Variants in PLG observed in about 807,000 individuals in gnomAD.
PLG encodes the protein plasminogen.
Under a neutral mutation model 104.4 loss-of-function variants are expected in PLG, and 41 were observed. The ratio of observed to expected loss-of-function variants is 0.39; its 90% confidence interval spans 0.31 to 0.51. The LOEUF is 0.51. Ranked by LOEUF, PLG falls within the 20% of genes least tolerant of loss-of-function variation. The probability of loss-of-function intolerance (pLI) is 0.76; values close to 1 mark genes in which losing one functional copy is unlikely to be tolerated. For synonymous variants in PLG, 337 were observed against 357.1 expected (o/e 0.94, Z 0.63); for missense variants, 891 against 1,003.6 (o/e 0.89, Z 1.52).
chr6:160,733,418 G>A (rs4252137), intron 12 of PLG, among the ~76,000 whole-genome samples: 2,963 of 152,222 alleles, frequency 0.019, 50 homozygotes, highest in Non-Finnish European at 0.031. Flanking sequence ...ATTCTCCAAA[G>A]ACCCCCGAGG....
In PLG at chr6:160,719,429, T is replaced by A. The variant is rs1214403527; in HGVS notation, c.1096+591T>A. On this transcript the variant is annotated intron_variant, in intron 9 of 18. Transcript: ENST00000308192. The surrounding 1 kb of genome is among the most constrained non-coding windows in gnomAD (Gnocchi z 4.1). ...TCACAGCTCTATTTTCACTAGTATT[T>A]GTGTGATATATCTTTTAAATTTGTA... Among the ~76,000 whole-genome samples, 1 of 152,222 alleles carries A rather than the reference T, an allele frequency of 6.6e-6. No individual in the cohort carries two copies. Among genetic ancestry groups the A allele is most frequent in the Non-Finnish European group, 1.5e-5 (1 of 68,042 alleles).
chr6:160,728,415 T>C (rs181775174), intron 10 of PLG, among the ~76,000 whole-genome samples: 1 of 152,248 alleles, frequency 6.6e-6, no homozygotes, highest in African/African-American at 2.4e-5. Context: ...TCGTTTTTTT[T>C]AAAAAATGTG....
chr6:160,722,697 T>C, intron 10 of PLG, 130 bp downstream of exon 10: 3 of 806,582 alleles, frequency 3.7e-6, no homozygotes, highest in Non-Finnish European at 6.3e-6. Flanking sequence ...TGTAGAAAAA[T>C]GTCTCAAGAA....
Position 160,723,394 on chromosome 6 carries a change from G to A in PLG, c.1256+827G>A, listed in dbSNP as rs909392280. ...ATGGAAAAAACTATTTTTACATATT[G>A]GAGAACAGATAAACTGAGATAATTT... On this transcript the variant is annotated intron_variant, in intron 10 of 18. Transcript: ENST00000308192. This position sits in a 1 kb window ranked among gnomAD's most constrained non-coding sequence, Gnocchi z 4.7. 1.3e-5 allele frequency among the ~76,000 whole-genome samples: 2 copies of A among 152,182 alleles called. No individual in the cohort carries two copies.
intron 17 of PLG, among the ~76,000 whole-genome samples, chr6:160,751,200 A>G (rs763186302): frequency 7.9e-5 from 12 of 152,194 alleles, no homozygotes; most frequent in Non-Finnish European, 1.3e-4. Flanking sequence ...GGGAACTTAG[A>G]CTCAGAAAAT....
rs370504830 is a variant in PLG, at chr6:160,706,951, TA to T, written c.185+423del. ...TAGTCAAAGAAACTGGATATAATGTTAAAAAAAAAAAAAAGACAGCCCAAGT... is the reference window on the plus strand; with the variant it reads ...TAGTCAAAGAAACTGGATATAATGTTAAAAAAAAAAAAAGACAGCCCAAGT... On this transcript the variant is annotated intron_variant, in intron 2 of 18. Coordinates refer to ENST00000308192, the MANE Select transcript of PLG (RefSeq NM_000301.5). Among the ~76,000 whole-genome samples, 801 of 142,144 alleles carry T rather than the reference TA, an allele frequency of 5.6e-3. 4 individuals carry two copies. The highest frequency in any genetic ancestry group is 0.012 in the African/African-American group (483 of 38,848). 93.3% of individuals were successfully genotyped at this position (142,144 alleles called of 152,430 possible).
In PLG at chr6:160,731,637, G is replaced by C; in HGVS notation, c.1439-108G>C. Reference sequence around the variant, plus strand: ...TTCAGCATTGCAGTTTCTGAGGAATGTGGCCCCTGATTCTGTCATCCTAGA... The same window carrying C: ...TTCAGCATTGCAGTTTCTGAGGAATCTGGCCCCTGATTCTGTCATCCTAGA... On this transcript the variant is annotated intron_variant, in intron 11 of 18. Coordinates refer to ENST00000308192, the MANE Select transcript of PLG (RefSeq NM_000301.5). This position sits in a 1 kb window ranked among gnomAD's most constrained non-coding sequence, Gnocchi z 5.1. The C allele has an allele frequency of 2.9e-6, 3 of 1,050,192 alleles. No homozygotes were observed. Among genetic ancestry groups the C allele is most frequent in the Non-Finnish European group, 4.5e-6 (3 of 671,574 alleles). The allele number at this position is 1,050,192 out of a possible 1,614,324, so 65.1% of individuals were successfully genotyped here. A position where few individuals can be genotyped will look rare whatever the true frequency, so the allele number is the denominator to read the frequency against.
chr6:160,729,244 C>T (rs1777961389), intron 10 of PLG, among the ~76,000 whole-genome samples: 1 of 152,212 alleles, frequency 6.6e-6, no homozygotes, highest in Non-Finnish European at 1.5e-5. Flanking sequence ...TAAGAAGACA[C>T]AACAATAAGT....
chr6:160,711,520 G>A lies in PLG; in HGVS notation c.407+329G>A, dbSNP rs1582933612. 4.5e-6 allele frequency: 7 copies of A among 1,551,694 alleles called. No individual in the cohort carries two copies. In the East Asian group the frequency reaches 1.4e-4, roughly 31 times the overall value. ...GGATCTGGAACCCATGGATACAGAG[G>A]GCCAACTGTATTTAGGATAATTTCA... is the stretch of plus-strand genomic sequence containing the variant. On this transcript the variant is annotated intron_variant, in intron 4 of 18. Transcript: ENST00000308192.
Position 160,737,390 on chromosome 6 carries a change from G to A in PLG, c.1802+383G>A, listed in dbSNP as rs543792081. Among the ~76,000 whole-genome samples, 1 of 152,254 alleles carries A rather than the reference G, an allele frequency of 6.6e-6. No individual in the cohort carries two copies. The highest frequency in any genetic ancestry group is 2.4e-5 in the African/African-American group (1 of 41,554). ...TTAGAAATGTGACACTTTCTGGGTT[G>A]GGAGAGCAAGGACAAAATTATCTCC... On this transcript the variant is annotated intron_variant, in intron 14 of 18. Transcript: ENST00000308192. This position sits in a 1 kb window ranked among gnomAD's most constrained non-coding sequence, Gnocchi z 4.7.
chr6:160,729,084 G>A (rs1250650797), intron 10 of PLG, among the ~76,000 whole-genome samples: 1 of 152,024 alleles, frequency 6.6e-6, no homozygotes, highest in Non-Finnish European at 1.5e-5. Context: ...AATTAAAATG[G>A]GCAACAGAAT....
chr6:160,753,775 G>A lies in PLG; in HGVS notation c.*714G>A, dbSNP rs376724881. Reference sequence around the variant, plus strand: ...TGAACAACAAGCAAATATTGAAGGTGGACCACTTATTTCCCATTGCTAATT... The same window carrying A: ...TGAACAACAAGCAAATATTGAAGGTAGACCACTTATTTCCCATTGCTAATT... On this transcript the variant is annotated 3_prime_UTR_variant, in exon 19 of 19. Transcript: ENST00000308192. This position sits in a 1 kb window ranked among gnomAD's most constrained non-coding sequence, Gnocchi z 5.4. Among the ~76,000 whole-genome samples, 182 of 152,208 alleles carry A rather than the reference G, an allele frequency of 1.2e-3. No homozygotes were observed. The highest frequency in any genetic ancestry group is 4.1e-3 in the African/African-American group (170 of 41,528).
chr6:160,703,110 T>C (rs1263904464), intron 1 of PLG, among the ~76,000 whole-genome samples: 1 of 152,140 alleles, frequency 6.6e-6, no homozygotes, highest in Non-Finnish European at 1.5e-5. Context: ...AGGAATATCA[T>C]GTTATTTGCT....
intron 10 of PLG, among the ~76,000 whole-genome samples, chr6:160,727,692 C>T (rs184688366): frequency 2.0e-3 from 307 of 151,992 alleles, no homozygotes; most frequent in African/African-American, 7.1e-3. Context: ...ATGATTATGT[C>T]AATAGATGCA....
In PLG at chr6:160,740,603, A is replaced by T. The variant is rs193260661; in HGVS notation, c.2019-708A>T. On this transcript the variant is annotated intron_variant, in intron 16 of 18. Coordinates refer to ENST00000308192, the MANE Select transcript of PLG (RefSeq NM_000301.5). This position sits in a 1 kb window ranked among gnomAD's most constrained non-coding sequence, Gnocchi z 5.2. Reference sequence around the variant, plus strand: ...GCCTGCTTCAAAGTTGGTGACGATGATGTTTCTTGATCAGAATAGGGCATT... The same window carrying T: ...GCCTGCTTCAAAGTTGGTGACGATGTTGTTTCTTGATCAGAATAGGGCATT... Among the ~76,000 whole-genome samples the T allele has an allele frequency of 6.6e-6, 1 of 152,274 alleles. No individual in the cohort carries two copies. Among genetic ancestry groups the T allele is most frequent in the East Asian group, 1.9e-4 (1 of 5,180 alleles).
rs1443862604 is a variant in PLG, at chr6:160,736,092, A to G, written c.1682-795A>G. Among the ~76,000 whole-genome samples, 1 of 152,196 alleles carries G rather than the reference A, an allele frequency of 6.6e-6. No individual in the cohort carries two copies. The highest frequency in any genetic ancestry group is 1.5e-5 in the Non-Finnish European group (1 of 68,042). The stretch of plus-strand genomic sequence containing the variant: ...AACATTTACATTTGTGAAGACCTTG[A>G]AGGGCTGGAGACAACAGAGAAGCAT... On this transcript the variant is annotated intron_variant, in intron 13 of 18. Coordinates refer to ENST00000308192, the MANE Select transcript of PLG (RefSeq NM_000301.5). The surrounding 1 kb of genome is among the most constrained non-coding windows in gnomAD (Gnocchi z 5.2).
In PLG at chr6:160,734,872, C is replaced by T. The variant is rs1167672800; in HGVS notation, c.1681+784C>T. Among the ~76,000 whole-genome samples, 1 of 151,920 alleles carries T rather than the reference C, an allele frequency of 6.6e-6. No individual in the cohort carries two copies. Among genetic ancestry groups the T allele is most frequent in the Non-Finnish European group, 1.5e-5 (1 of 68,004 alleles). On this transcript the variant is annotated intron_variant, in intron 13 of 18. Transcript: ENST00000308192. This position sits in a 1 kb window ranked among gnomAD's most constrained non-coding sequence, Gnocchi z 4.4. ...ACTTCTCCTATGCATAATTTGGTTGCTTGTGGTTGGGTCTGCCATGTGGAG... is the reference window on the plus strand; with the variant it reads ...ACTTCTCCTATGCATAATTTGGTTGTTTGTGGTTGGGTCTGCCATGTGGAG...
In PLG at chr6:160,714,932, A is replaced by G; in HGVS notation, c.668+18A>G. 8.1e-6 allele frequency: 13 copies of G among 1,611,598 alleles called. No homozygotes were observed. The highest frequency in any genetic ancestry group is 1.1e-5 in the Non-Finnish European group (13 of 1,177,920). ...CCTTCCAAGTAAGTCTCACTGGGAA[A>G]AACATTCCATGTTTAATTAAGGCTC... On this transcript the variant is annotated intron_variant, in intron 6 of 18. Transcript: ENST00000308192.
chr6:160,743,675 G>A (rs972021102), intron 17 of PLG, among the ~76,000 whole-genome samples: 3 of 152,124 alleles, frequency 2.0e-5, no homozygotes, highest in African/African-American at 7.2e-5. Flanking sequence ...TGATTGCTCT[G>A]ACCAGGGCTT....
Sources: gnomAD v4.1 joint callset for allele counts (sites outside exome capture counted in the v4.1 genomes callset) on GRCh38, gnomAD v4.1.1 for gene constraint, Gnocchi (gnomAD v3.1) non-coding constraint, MANE v1.5 for transcripts, NCBI Gene and HGNC (gene_info 2026-07-23, HGNC 2026-07-21) for gene names.